Variants in KIF14 observed in about 807,000 individuals in gnomAD.
KIF14 encodes the protein kinesin-like protein KIF14.
KIF14 carries 98 observed loss-of-function variants against 176.2 expected under a neutral mutation model. The observed-to-expected ratio is 0.56, with a 90% confidence interval of 0.47 to 0.66. The LOEUF is 0.66. Among genes scored for constraint, KIF14 ranks in the 30% least tolerant of loss-of-function variants. KIF14 has a pLI of 0.00. For synonymous variants in KIF14, 566 were observed against 632.2 expected (o/e 0.90, Z 1.57); for missense variants, 1,751 against 1,920.4 (o/e 0.91, Z 1.65).
At chr1:200,570,357 AG>A (rs1558053980) in intron 22 of KIF14, among the ~76,000 whole-genome samples, 1 of 152,222 alleles carries the variant, frequency 6.6e-6, no homozygotes, top group Non-Finnish European at 1.5e-5. Context: ...AATGTGATGA[AG>A]GCATAGAGTG....
At chr1:200,567,125 C>A (rs1015527555) in intron 23 of KIF14, among the ~76,000 whole-genome samples, 2 of 151,046 alleles carry the variant, frequency 1.3e-5, no homozygotes, top group Non-Finnish European at 2.9e-5. Context: ...GAGCCGAGAT[C>A]GCGCCATTGC....
At chr1:200,576,907 G>A (rs1376727686) in intron 21 of KIF14, among the ~76,000 whole-genome samples, 1 of 151,028 alleles carries the variant, frequency 6.6e-6, no homozygotes, top group African/African-American at 2.4e-5. Context: ...GGATTATAGG[G>A]CAACCTTGAC....
Position 200,553,584 on chromosome 1 carries a change from G to T in KIF14, c.4751C>A (p.Ser1584Tyr). Residue 1584 changes from serine to tyrosine, a missense_variant, in exon 30 of 30, where the codon TCT becomes TAT. Transcript: ENST00000367350. ...TTTCAACAAATCAGGGCTTTCTTCA[G>T]ATTCAAAACAAAAGAGGAGAGACTT... ...LAKSLLFCFE[S>Y]EESPDLLKPW... is the part of the protein sequence containing the mutation. 6.2e-7 allele frequency: 1 copy of T among 1,614,038 alleles called. No individual in the cohort carries two copies. The highest frequency in any genetic ancestry group is 8.5e-7 in the Non-Finnish European group (1 of 1,179,994).
rs767652071 is a variant in KIF14, at chr1:200,553,497, A to G, written c.4838T>C (p.Ile1613Thr). The G allele has an allele frequency of 6.2e-7, 1 of 1,614,028 alleles. No homozygotes were observed. The highest frequency in any genetic ancestry group is 8.5e-7 in the Non-Finnish European group (1 of 1,180,012). The part of the protein sequence containing the change: ...EEHQQSKSSG[I>T]DGSKNKGVPK... ...TACACCTTTATTCTTACTGCCGTCA[A>G]TCCCGCTTGATTTAGATTGTTGGTG... Residue 1613 changes from isoleucine (I) to threonine (T), a missense_variant, in exon 30 of 30, where the codon ATT becomes ACT. Physicochemically the swap from Ile to Thr is moderately conservative, Grantham distance 89. Transcript: ENST00000367350.
intron 27 of KIF14, among the ~76,000 whole-genome samples, chr1:200,556,287 C>T (rs1656825465): frequency 6.6e-6 from 1 of 152,118 alleles, no homozygotes; most frequent in Non-Finnish European, 1.5e-5. Flanking sequence ...AGCCCTAATT[C>T]AGATTTGCTC....
chr1:200,560,541 G>A (rs962495099), intron 26 of KIF14, among the ~76,000 whole-genome samples, 181 bp downstream of exon 26: 3 of 152,110 alleles, frequency 2.0e-5, no homozygotes, highest in African/African-American at 2.4e-5. Context: ...CAAAGTGCTG[G>A]GATTACAGGC....
intron 25 of KIF14, among the ~76,000 whole-genome samples, chr1:200,563,035 C>A (rs1657247110): frequency 6.6e-6 from 1 of 152,222 alleles, no homozygotes; most frequent in Admixed American, 6.5e-5. Flanking sequence ...ATCAGAGAAG[C>A]AAATAAGACA....
At chr1:200,557,610 C>G (rs545039786) in intron 27 of KIF14, among the ~76,000 whole-genome samples, 1 of 152,168 alleles carries the variant, frequency 6.6e-6, no homozygotes, top group African/African-American at 2.4e-5. Flanking sequence ...TTTTTCTGGG[C>G]AGAGAGAAAT....
rs1558096738 is a variant in KIF14 at position 200,617,837 on chromosome 1, A to C, written c.887T>G (p.Leu296Arg). 1 of 1,614,188 alleles carries C rather than the reference A, an allele frequency of 6.2e-7. No homozygotes were observed. Among genetic ancestry groups the C allele is most frequent in the Non-Finnish European group, 8.5e-7 (1 of 1,180,032 alleles). The change falls in exon 2 of 30, where the codon CTT becomes CGT. Residue 296 changes from leucine to arginine, a missense_variant. Transcript: ENST00000367350. ...CAGTATTGATGGAGCTGGGCTCTTAAGCTGAGGCAGGCTGCACTTTGTTGT... is the reference window on the plus strand; with the variant it reads ...CAGTATTGATGGAGCTGGGCTCTTACGCTGAGGCAGGCTGCACTTTGTTGT... ...KLTTKCSLPQ[L>R]KSPAPSILKN...
chr1:200,568,967 C>T (rs1483922432), intron 23 of KIF14, among the ~76,000 whole-genome samples: 3 of 147,240 alleles, frequency 2.0e-5, no homozygotes, highest in African/African-American at 5.0e-5. Context: ...CTCTTGTTGC[C>T]CAGGTTGGAG....
At chr1:200,568,511 G>A (rs1212347683) in intron 23 of KIF14, among the ~76,000 whole-genome samples, 1 of 152,076 alleles carries the variant, frequency 6.6e-6, no homozygotes, top group African/African-American at 2.4e-5. Context: ...CAAATAGATT[G>A]TTACATAATT....
intron 21 of KIF14, among the ~76,000 whole-genome samples, chr1:200,577,290 C>CTCCA (rs1658173941): frequency 6.6e-6 from 1 of 152,098 alleles, no homozygotes; most frequent in South Asian, 2.1e-4. Flanking sequence ...TGCCACTGCA[C>CTCCA]TCCAGCCTGG....
intron 18 of KIF14, among the ~76,000 whole-genome samples, chr1:200,587,805 G>A (rs773504719): frequency 6.6e-6 from 1 of 152,084 alleles, no homozygotes; most frequent in South Asian, 2.1e-4. Flanking sequence ...ATGAAACTCC[G>A]TCTCAAAATA....
intron 17 of KIF14, among the ~76,000 whole-genome samples, chr1:200,589,676 T>C (rs1401038459): frequency 1.5e-5 from 2 of 134,066 alleles, no homozygotes; most frequent in Admixed American, 7.4e-5. Flanking sequence ...TTTTTCTTTT[T>C]TTTTTTTTTT....
At chr1:200,567,532 T>TAAAAAAAAAA (rs35456574) in intron 23 of KIF14, among the ~76,000 whole-genome samples, 3 of 127,760 alleles carry the variant, frequency 2.3e-5, no homozygotes, top group South Asian at 2.5e-4. Flanking sequence ...AGACTCCGTC[T>TAAAAAAAAAA]AAAAAAAAAA....
At position 200,597,235 on chromosome 1, in the gene KIF14, C is replaced by A. The variant is rs138369192; in HGVS notation, c.2549+1002G>T. Among the ~76,000 whole-genome samples the A allele has an allele frequency of 2.0e-5, 3 of 152,036 alleles. No homozygotes were observed. The East Asian group carries it at 5.8e-4, about 29-fold the overall frequency. ...ACAATCATAAAGGAAAAGACTGATG[C>A]CAGGTACTACAATAAAATTAAGAAC... On this transcript the variant is annotated intron_variant, in intron 14 of 29. Coordinates refer to ENST00000367350, the MANE Select transcript of KIF14 (RefSeq NM_014875.3).
chr1:200,603,687 G>T (rs1659735090), intron 9 of KIF14, 152 bp downstream of exon 9: 1 of 552,406 alleles, frequency 1.8e-6, no homozygotes, highest in Admixed American at 3.1e-5. Flanking sequence ...TAACCAAAAA[G>T]TACGTATCTC....
chr1:200,603,991 A>C, intron 8 of KIF14, 36 bp from the exon 9 acceptor site: 3 of 1,237,206 alleles, frequency 2.4e-6, no homozygotes, highest in Non-Finnish European at 3.6e-6. Flanking sequence ...ATTAAGTTCT[A>C]TTACTTCCAA....
At position 200,553,761 on chromosome 1, in the gene KIF14, T is replaced by A. The variant is rs748485277; in HGVS notation, c.4574A>T (p.His1525Leu). ...EIIISALKGC[H>L]SDINLLQTCV... ...AGTCTGGAGAAGATTTATATCACTATGGCATCCTATATGCAAGAGAGGAGG... is the reference window on the plus strand; with the variant it reads ...AGTCTGGAGAAGATTTATATCACTAAGGCATCCTATATGCAAGAGAGGAGG... The change falls in exon 30 of 30, where the codon CAT (histidine) becomes CTT (leucine). Residue 1525 changes from histidine (H) to leucine (L), a missense_variant. Coordinates refer to ENST00000367350, the MANE Select transcript of KIF14 (RefSeq NM_014875.3). 1 of 1,595,146 alleles carries A rather than the reference T, an allele frequency of 6.3e-7. No individual in the cohort carries two copies. The highest frequency in any genetic ancestry group is 8.6e-7 in the Non-Finnish European group (1 of 1,168,180).
Sources: gnomAD v4.1 joint callset for allele counts (sites outside exome capture counted in the v4.1 genomes callset) on GRCh38, gnomAD v4.1.1 for gene constraint, MANE v1.5 for transcripts, NCBI Gene and HGNC (gene_info 2026-07-23, HGNC 2026-07-21) for gene names.